SS18: variants seen among roughly 807,000 people sequenced by gnomAD.
The protein encoded by SS18 is SS18 subunit of BAF chromatin remodeling complex.
Under a neutral mutation model 72.5 loss-of-function variants are expected in SS18, and 28 were observed. That is an observed-to-expected ratio of 0.39 (90% CI 0.29 to 0.53). The LOEUF (loss-of-function observed/expected upper bound fraction) is 0.53. SS18 is among the 20% of genes least tolerant of loss of function. SS18 has a pLI of 0.76. For synonymous variants in SS18, 172 were observed against 164.2 expected (o/e 1.05, Z -0.37); for missense variants, 518 against 535.3 (o/e 0.97, Z 0.32).
intron 10 of SS18, among the ~76,000 whole-genome samples, chr18:26,030,801 TAC>T (rs1216615207): frequency 2.6e-5 from 4 of 150,980 alleles, no homozygotes; most frequent in African/African-American, 9.7e-5. Context: ...GAAAAAAAAA[TAC>T]AGAGTCAAGA....
In SS18 at chr18:26,050,236, C is replaced by CA. The variant is rs34438763; in HGVS notation, c.607+2387dup. ...GGCGACAAAAAGTGAGACTCCACCTCAAAAAAAAAAAAAAATTTGTGCTAA... is the reference window on the plus strand; with the variant it reads ...GGCGACAAAAAGTGAGACTCCACCTCAAAAAAAAAAAAAAAATTTGTGCTAA... On this transcript the variant is annotated intron_variant, in intron 5 of 10. Coordinates refer to ENST00000415083, the MANE Select transcript of SS18 (RefSeq NM_001007559.3). 7.9e-3 allele frequency among the ~76,000 whole-genome samples: 925 copies of CA among 117,190 alleles called. 9 individuals carry two copies. The highest frequency in any genetic ancestry group is 0.022 in the African/African-American group (703 of 31,570). The allele number at this position is 117,190 out of a possible 152,430, so 76.9% of individuals were successfully genotyped here.
rs1188932194 is a variant in SS18, at chr18:26,016,727, AAAAAAAACAAAGAACAAAAAACAAAAAC to A, written c.*1599_*1626del. The A allele has an allele frequency of 2.5e-4, 56 of 221,336 alleles. No homozygotes were observed. The highest frequency in any genetic ancestry group is 6.9e-4 in the Admixed American group (12 of 17,296). The allele number at this position is 221,336 out of a possible 1,614,324, so 13.7% of individuals were successfully genotyped here. A position where few individuals can be genotyped will look rare whatever the true frequency, so the allele number is the denominator to read the frequency against. On this transcript the variant is annotated 3_prime_UTR_variant, in exon 11 of 11. Coordinates refer to ENST00000415083, the MANE Select transcript of SS18 (RefSeq NM_001007559.3). ...GACAAGAGCAAGACTCCATCTCAAA[AAAAAAAACAAAGAACAAAAAACAAAAAC>A]AAAAAAACCTGTTCTGACCTTGAAA...
rs2053688660 is a variant in SS18 at position 26,039,554 on chromosome 18, AT to A, written c.608-99del. On this transcript the variant is annotated intron_variant, in intron 5 of 10. Coordinates refer to ENST00000415083, the MANE Select transcript of SS18 (RefSeq NM_001007559.3). ...TCTTTTATCATATAGTCCCAAAAAT[AT>A]ATAATTAAATGCAGTAAAAACTGAT... The A allele has an allele frequency of 5.6e-6, 6 of 1,077,456 alleles. No homozygotes were observed. The Admixed American group carries it at 1.6e-4, about 28-fold the overall frequency. The allele number at this position is 1,077,456 out of a possible 1,614,324, so 66.7% of individuals were successfully genotyped here.
intron 5 of SS18, among the ~76,000 whole-genome samples, chr18:26,042,385 A>G: frequency 6.6e-6 from 1 of 152,202 alleles, no homozygotes; most frequent in Non-Finnish European, 1.5e-5. Flanking sequence ...ACATATGCAA[A>G]GACCCTACTG....
At position 26,090,576 on chromosome 18, in the gene SS18, G is replaced by C; in HGVS notation, c.-7C>G. On this transcript the variant is annotated 5_prime_UTR_variant, in exon 1 of 11. Coordinates refer to ENST00000415083, the MANE Select transcript of SS18 (RefSeq NM_001007559.3). ...CCGCGAAAGCCACAGACATGTTGCC[G>C]CCGTCACCACTATCGGCAAGTCCCG... The C allele has an allele frequency of 1.3e-6, 2 of 1,578,292 alleles. No homozygotes were observed. Among genetic ancestry groups the C allele is most frequent in the Non-Finnish European group, 1.7e-6 (2 of 1,162,670 alleles).
chr18:26,067,816 CT>C (rs915346596), intron 3 of SS18, among the ~76,000 whole-genome samples: 1 of 152,132 alleles, frequency 6.6e-6, no homozygotes, highest in Non-Finnish European at 1.5e-5. Flanking sequence ...GGTCCCCAAC[CT>C]TTTTGGCACC....
intron 7 of SS18, among the ~76,000 whole-genome samples, chr18:26,036,848 C>T (rs758819515): frequency 2.0e-5 from 3 of 152,036 alleles, no homozygotes; most frequent in Non-Finnish European, 2.9e-5. Flanking sequence ...TGGCCAGTGG[C>T]AAGTTTTTGT....
chr18:26,087,608 A>C, intron 1 of SS18, 31 bp from the exon 2 acceptor site: 1 of 1,237,704 alleles, frequency 8.1e-7, no homozygotes, highest in East Asian at 2.3e-5. Flanking sequence ...GTTTAGCATA[A>C]AACTAGTGCA....
chr18:26,035,282 A>G lies in SS18; in HGVS notation c.974-155T>C, dbSNP rs2053608892. 4 of 1,030,594 alleles carry G rather than the reference A, an allele frequency of 3.9e-6. No individual in the cohort carries two copies. Among genetic ancestry groups the G allele is most frequent in the Non-Finnish European group, 5.4e-6 (4 of 740,324 alleles). The allele number at this position is 1,030,594 out of a possible 1,614,324, so 63.8% of individuals were successfully genotyped here. A position where few individuals can be genotyped will look rare whatever the true frequency, so the allele number is the denominator to read the frequency against. On this transcript the variant is annotated intron_variant, in intron 8 of 10. Transcript: ENST00000415083. This position sits in a 1 kb window ranked among gnomAD's most constrained non-coding sequence, Gnocchi z 4.4. ...AACAAAGAAAAAACTCAAACCAAACAGAAGGATTTCGGCCAAACAAACTGC... is the reference window on the plus strand; with the variant it reads ...AACAAAGAAAAAACTCAAACCAAACGGAAGGATTTCGGCCAAACAAACTGC...
intron 4 of SS18, among the ~76,000 whole-genome samples, chr18:26,053,645 A>ACTG (rs2053962360): frequency 1.3e-5 from 2 of 150,630 alleles, no homozygotes; most frequent in African/African-American, 5.0e-5. Flanking sequence ...AGAATGGGCA[A>ACTG]AGGACATAAT....
chr18:26,060,248 G>A (rs961619995), intron 3 of SS18, among the ~76,000 whole-genome samples: 1 of 152,184 alleles, frequency 6.6e-6, no homozygotes, highest in African/African-American at 2.4e-5. Context: ...CTACAACATG[G>A]ATGAACCTTG....
intron 10 of SS18, among the ~76,000 whole-genome samples, chr18:26,024,042 G>C (rs566676024): frequency 1.1e-3 from 160 of 152,012 alleles, no homozygotes; most frequent in South Asian, 2.9e-3. Flanking sequence ...CTACACAGAC[G>C]AACCTTGAAA....
chr18:26,018,324 G>A lies in SS18; in HGVS notation c.*30C>T, dbSNP rs768915295. 6.3e-7 allele frequency: 1 copy of A among 1,587,670 alleles called. No homozygotes were observed. The highest frequency in any genetic ancestry group is 8.6e-7 in the Non-Finnish European group (1 of 1,156,704). On this transcript the variant is annotated 3_prime_UTR_variant, in exon 11 of 11. Coordinates refer to ENST00000415083, the MANE Select transcript of SS18 (RefSeq NM_001007559.3). ...TGAGGTGACAATATGGCTGCTAATA[G>A]ATACTGGCTACTGGAATGTAAGTAC...
In SS18 at chr18:26,062,812, A is replaced by G. The variant is rs568503916; in HGVS notation, c.232-5070T>C. On this transcript the variant is annotated intron_variant, in intron 3 of 10. Coordinates refer to ENST00000415083, the MANE Select transcript of SS18 (RefSeq NM_001007559.3). ...GATGCTTTATTACGATAAAAGTTCA[A>G]CAGGAATGTTTAACAATCATAAATG... Among the ~76,000 whole-genome samples, 5 of 152,362 alleles carry G rather than the reference A, an allele frequency of 3.3e-5. No individual in the cohort carries two copies. In the South Asian group the frequency reaches 1.0e-3, roughly 32 times the overall value.
intron 3 of SS18, among the ~76,000 whole-genome samples, chr18:26,072,364 A>AT (rs2054326167): frequency 1.3e-5 from 2 of 149,448 alleles, no homozygotes; most frequent in Non-Finnish European, 2.9e-5. Context: ...TAAAAAAAAA[A>AT]AAAAAAATCT....
At chr18:26,050,887 C>A (rs1286634465) in intron 5 of SS18, among the ~76,000 whole-genome samples, 1 of 152,000 alleles carries the variant, frequency 6.6e-6, no homozygotes, top group African/African-American at 2.4e-5. Flanking sequence ...CCAGCCTGGG[C>A]AACAGAGCCA....
chr18:26,063,539 A>G (rs566469872), intron 3 of SS18, among the ~76,000 whole-genome samples: 1 of 152,278 alleles, frequency 6.6e-6, no homozygotes, highest in South Asian at 2.1e-4. Flanking sequence ...AATAATAATA[A>G]TAAGAAATCA....
rs2054047147 is a variant in SS18, at chr18:26,057,668, G to T, written c.306C>A (p.His102Gln). The change falls in exon 4 of 11, where the codon CAC (histidine) becomes CAA (glutamine). Residue 102 changes from histidine to glutamine, a missense_variant. Coordinates refer to ENST00000415083, the MANE Select transcript of SS18 (RefSeq NM_001007559.3). The stretch of plus-strand genomic sequence containing the variant: ...CTACCATTCCATCTGAAGGCATGTT[G>T]TGAGAGCGTGGAGGTGGGGGAGGGC... ...QSGPPPPPRSHNMPSDGMVGG... is the reference protein window; with the variant it reads ...QSGPPPPPRSQNMPSDGMVGG... 6.2e-7 allele frequency: 1 copy of T among 1,614,060 alleles called. No individual in the cohort carries two copies.
In SS18 at chr18:26,052,556, C is replaced by T. The variant is rs1419880237; in HGVS notation, c.607+68G>A. ...TTTTATGAACCAGCTAAGAACCTGA[C>T]AACAATCATTTTACTTTTCAAAGGC... On this transcript the variant is annotated intron_variant, in intron 5 of 10. Coordinates refer to ENST00000415083, the MANE Select transcript of SS18 (RefSeq NM_001007559.3). 4 of 1,293,324 alleles carry T rather than the reference C, an allele frequency of 3.1e-6. No homozygotes were observed. The East Asian group carries it at 9.3e-5, about 30-fold the overall frequency. The allele number at this position is 1,293,324 out of a possible 1,614,324, so 80.1% of individuals were successfully genotyped here. A position where few individuals can be genotyped will look rare whatever the true frequency, so the allele number is the denominator to read the frequency against.
Sources: allele counts gnomAD v4.1 joint callset (sites outside exome capture counted in the v4.1 genomes callset), GRCh38; gene constraint gnomAD v4.1.1; non-coding constraint Gnocchi (gnomAD v3.1); transcripts MANE v1.5; gene names NCBI Gene and HGNC (gene_info 2026-07-23, HGNC 2026-07-21).